The following MAP3K14 variants were observed in gnomAD, a reference collection of about 807,000 sequenced individuals.
MAP3K14 encodes NF-kappa-beta-inducing kinase.
MAP3K14 carries 16 observed loss-of-function variants against 99.2 expected under a neutral mutation model. The ratio of observed to expected loss-of-function variants is 0.16; its 90% CI spans 0.11 to 0.24. The LOEUF (loss-of-function observed/expected upper bound fraction) is 0.24, where lower values mean the gene tolerates loss of function less well. Ranked by LOEUF, MAP3K14 falls within the 10% of genes least tolerant of loss-of-function variation. MAP3K14 has a pLI of 1.00. For missense variants in MAP3K14, 784 were observed against 1,208.7 expected (o/e 0.65, Z 5.21); for synonymous variants, 462 against 492.4 (o/e 0.94, Z 0.82).
At chr17:45,292,935 T>G (rs1453667417) in intron 1 of MAP3K14, among the ~76,000 whole-genome samples, 2 of 152,110 alleles carry the variant, frequency 1.3e-5, no homozygotes. Context: ...ATCCAGACCC[T>G]AGGTTCTTTA....
At chr17:45,282,037 A>G (rs2044227451) in intron 6 of MAP3K14, 1 of 152,170 alleles carries the variant, frequency 6.6e-6, no homozygotes, top group South Asian at 2.1e-4. Flanking sequence ...CCCCAGTCCT[A>G]TTCTCAGAGG....
At position 45,263,367 on chromosome 17, in the gene MAP3K14, C is replaced by G. The variant is rs557008409; in HGVS notation, c.*1269G>C. 2.0e-5 allele frequency: 3 copies of G among 152,550 alleles called. No individual in the cohort carries two copies. The highest frequency in any genetic ancestry group is 2.0e-4 in the Admixed American group (3 of 15,282). The allele number at this position is 152,550 out of a possible 1,614,324, so 9.4% of individuals were successfully genotyped here. On this transcript the variant is annotated 3_prime_UTR_variant, in exon 16 of 16. Coordinates refer to ENST00000344686, the MANE Select transcript of MAP3K14 (RefSeq NM_003954.5). ...GTTGAGGCTAGCAGACACCCCCTGA[C>G]GATTCACAGCTGATTTAATGCTACG...
At chr17:45,270,162 G>A (rs929474182) in intron 11 of MAP3K14, among the ~76,000 whole-genome samples, 3 of 152,176 alleles carry the variant, frequency 2.0e-5, no homozygotes, top group African/African-American at 7.2e-5. Context: ...TTGTAGTTGA[G>A]TGGGAGAATG....
At chr17:45,298,241 G>A (rs2044360824) in intron 1 of MAP3K14, among the ~76,000 whole-genome samples, 1 of 152,056 alleles carries the variant, frequency 6.6e-6, no homozygotes, top group Admixed American at 6.6e-5. Context: ...GAAGAATAAA[G>A]GAGGAAAAAT....
chr17:45,302,694 A>C (rs977260163), intron 1 of MAP3K14, among the ~76,000 whole-genome samples: 1 of 152,212 alleles, frequency 6.6e-6, no homozygotes, highest in African/African-American at 2.4e-5. Context: ...TCCACACTTG[A>C]GATTGGGGCT....
Position 45,286,869 on chromosome 17 carries a change from G to A in MAP3K14, c.714C>T (p.His238=), listed in dbSNP as rs775740373. The part of the protein sequence containing the change: ...KLISPLQCLN[H]VWKLHHPQDG... ...CCTGGGGGTGGTGCAGTTTCCACAC[G>A]TGGTTCAGACATTGCAAGGGGCTGA... Residue 238 remains histidine (H), a synonymous_variant, in exon 5 of 16, where the codon CAC becomes CAT. Coordinates refer to ENST00000344686, the MANE Select transcript of MAP3K14 (RefSeq NM_003954.5). This position sits in a 1 kb window ranked among gnomAD's most constrained non-coding sequence, Gnocchi z 4.1. The A allele has an allele frequency of 4.3e-6, 7 of 1,613,934 alleles. No homozygotes were observed. The highest frequency in any genetic ancestry group is 1.1e-5 in the South Asian group (1 of 91,092).
chr17:45,316,056 G>T (rs901684996), intron 1 of MAP3K14, among the ~76,000 whole-genome samples: 21 of 152,106 alleles, frequency 1.4e-4, no homozygotes, highest in African/African-American at 5.1e-4. Flanking sequence ...TTAAGTCATT[G>T]GTGTTCATTG....
rs752410947 is a variant in MAP3K14, at chr17:45,265,280, G to A, written c.2579-17C>T. 25 of 1,559,452 alleles carry A rather than the reference G, an allele frequency of 1.6e-5. No homozygotes were observed. The African/African-American group carries it at 2.7e-4, about 17-fold the overall frequency. On this transcript the variant is annotated splice_polypyrimidine_tract_variant and intron_variant, in intron 14 of 15. Coordinates refer to ENST00000344686, the MANE Select transcript of MAP3K14 (RefSeq NM_003954.5). ...CTTTCACACCTAGAAGGCGGACAAG[G>A]TGATAGTCAGGAGAGCGGCTGCTGG...
intron 5 of MAP3K14, among the ~76,000 whole-genome samples, chr17:45,285,883 C>T (rs1014881307): frequency 1.4e-5 from 2 of 147,802 alleles, no homozygotes; most frequent in Non-Finnish European, 3.0e-5. Flanking sequence ...ACCCAGGAGA[C>T]GGAGGCTGTA....
chr17:45,288,075 A>G (rs35518221), intron 3 of MAP3K14, among the ~76,000 whole-genome samples: 14,862 of 152,218 alleles, frequency 0.098, 894 homozygotes, highest in Admixed American at 0.15. Flanking sequence ...TCATGGCCTC[A>G]GCCACCCTCC....
rs182008548 is a variant in MAP3K14, at chr17:45,288,360, G to A, written c.326+876C>T. Among the ~76,000 whole-genome samples the A allele has an allele frequency of 4.6e-3, 678 of 147,236 alleles. 22 individuals carry two copies. Among genetic ancestry groups the A allele is most frequent in the Admixed American group, 0.038 (554 of 14,604 alleles). ...CTGCCTGGTGATAGGGGAAGGAGCTGTTTCTAGCTTGAACTCTTGTTTTTT... is the reference window on the plus strand; with the variant it reads ...CTGCCTGGTGATAGGGGAAGGAGCTATTTCTAGCTTGAACTCTTGTTTTTT... On this transcript the variant is annotated intron_variant, in intron 3 of 15. Transcript: ENST00000344686.
At position 45,286,776 on chromosome 17, in the gene MAP3K14, G is replaced by T; in HGVS notation, c.807C>A (p.Phe269Leu). Residue 269 changes from phenylalanine to leucine, a missense_variant, in exon 5 of 16, where the codon TTC becomes TTA. By Grantham distance (22) the Phe-to-Leu change is conservative. This residue lies in a region of MAP3K14 where 138 missense variants were observed against 164.1 expected (regional missense o/e 0.84). Transcript: ENST00000344686. This position sits in a 1 kb window ranked among gnomAD's most constrained non-coding sequence, Gnocchi z 4.1. ...GAGGTTTCCAGGGCTGGAGAGGGTG[G>T]AATGGGAAGGGATGAGGCAGTCTGC... Reference protein sequence around the residue: ...PYSRLPHPFPFHPLQPWKPHP... With the variant: ...PYSRLPHPFPLHPLQPWKPHP... The T allele has an allele frequency of 6.2e-7, 1 of 1,612,894 alleles. No individual in the cohort carries two copies.
chr17:45,276,289 T>C (rs994489242), intron 6 of MAP3K14, among the ~76,000 whole-genome samples: 3 of 152,178 alleles, frequency 2.0e-5, no homozygotes, highest in Non-Finnish European at 2.9e-5. Context: ...TATAAACATC[T>C]TGGGCTTAGA....
chr17:45,265,899 T>C (rs1286804640), intron 14 of MAP3K14, among the ~76,000 whole-genome samples: 1 of 152,244 alleles, frequency 6.6e-6, no homozygotes, highest in East Asian at 1.9e-4. Context: ...TCAACTTGGA[T>C]GCAAAGCAGA....
chr17:45,311,389 C>T (rs2044477612), intron 1 of MAP3K14, among the ~76,000 whole-genome samples: 1 of 152,204 alleles, frequency 6.6e-6, no homozygotes, highest in Admixed American at 6.5e-5. Context: ...TCAAGCCCTC[C>T]TTGTAGTTGG....
At chr17:45,290,236 G>A (rs1178167189) in intron 2 of MAP3K14, among the ~76,000 whole-genome samples, 3 of 152,176 alleles carry the variant, frequency 2.0e-5, no homozygotes, top group Admixed American at 6.5e-5. Context: ...GCAGAGTCCC[G>A]AGTGCTCGTC....
rs2044139872 is a variant in MAP3K14 at position 45,271,144 on chromosome 17, C to T, written c.1735G>A (p.Val579Ile). The change falls in exon 10 of 16, where the codon GTC (valine) becomes ATC (isoleucine). Residue 579 changes from valine (V) to isoleucine (I), a missense_variant. By Grantham distance (29) the Val-to-Ile change is conservative. Around this residue, in one of 5 missense-constraint regions of MAP3K14, gnomAD observed 200 missense variants for 367.9 expected, o/e 0.54. Transcript: ENST00000344686. ...AGCATCATACAGCAGCTGCTCCAGACATCCACCTTGGCGTCGCAGCTCCTG... is the reference window on the plus strand; with the variant it reads ...AGCATCATACAGCAGCTGCTCCAGATATCCACCTTGGCGTCGCAGCTCCTG... ...LGRSCDAKVD[V>I]WSSCCMMLHM... 3 of 1,613,512 alleles carry T rather than the reference C, an allele frequency of 1.9e-6. No individual in the cohort carries two copies. The highest frequency in any genetic ancestry group is 1.1e-5 in the South Asian group (1 of 91,076).
At chr17:45,277,287 A>G (rs1009368669) in intron 6 of MAP3K14, among the ~76,000 whole-genome samples, 8 of 152,060 alleles carry the variant, frequency 5.3e-5, no homozygotes, top group Non-Finnish European at 2.9e-5. Flanking sequence ...ATATCTCCTA[A>G]TGCTATTCCT....
chr17:45,295,815 A>G (rs1485205994), intron 1 of MAP3K14, among the ~76,000 whole-genome samples: 9 of 152,214 alleles, frequency 5.9e-5, no homozygotes, highest in African/African-American at 2.2e-4. Context: ...CCAACAGAAG[A>G]GGCTAAATGA....
Sources: allele counts gnomAD v4.1 joint callset (sites outside exome capture counted in the v4.1 genomes callset), GRCh38; gene constraint gnomAD v4.1.1; regional missense constraint gnomAD v4.1.1; non-coding constraint Gnocchi (gnomAD v3.1); transcripts MANE v1.5; gene names NCBI Gene and HGNC (gene_info 2026-07-23, HGNC 2026-07-21).